The following WDR27 variants were observed in gnomAD, a reference collection of about 807,000 sequenced individuals.
WDR27 encodes WD repeat domain 27.
WDR27 carries 100 observed loss-of-function variants against 114.4 expected under a neutral mutation model. The ratio of observed to expected loss-of-function variants is 0.87; its 90% confidence interval spans 0.74 to 1.03. WDR27 has a LOEUF of 1.03. Among genes scored for constraint, WDR27 ranks in the 50% least tolerant of loss-of-function variants. The probability of loss-of-function intolerance (pLI) is 0.00; values close to 1 mark genes in which losing one functional copy is unlikely to be tolerated. For synonymous variants in WDR27, 449 were observed against 423.1 expected (o/e 1.06, Z -0.75); for missense variants, 1,129 against 1,092.9 (o/e 1.03, Z -0.47).
At chr6:169,567,073 T>C (rs914378562) in intron 25 of WDR27, among the ~76,000 whole-genome samples, 3 of 152,248 alleles carry the variant, frequency 2.0e-5, no homozygotes, top group Non-Finnish European at 4.4e-5. Context: ...CAGAGTCTGA[T>C]AGGCAGCAGC....
intron 21 of WDR27, among the ~76,000 whole-genome samples, chr6:169,628,779 G>A (rs1815544546): frequency 6.6e-6 from 1 of 152,160 alleles, no homozygotes; most frequent in South Asian, 2.1e-4. Context: ...TTTGAACACT[G>A]AAACCATATC....
chr6:169,636,339 T>TA, intron 19 of WDR27, 32 bp downstream of exon 19: 1 of 1,601,068 alleles, frequency 6.2e-7, no homozygotes, highest in Middle Eastern at 1.7e-4. Context: ...TCCTGTGATC[T>TA]AAAAATAATG....
At chr6:169,561,770 T>C (rs528913399) in intron 25 of WDR27, among the ~76,000 whole-genome samples, 80 of 152,106 alleles carry the variant, frequency 5.3e-4, no homozygotes, top group South Asian at 1.9e-3. Context: ...AAGGCAGAAA[T>C]AGTCAAATTG....
chr6:169,594,125 T>C (rs1293675220), intron 23 of WDR27, among the ~76,000 whole-genome samples: 1 of 152,228 alleles, frequency 6.6e-6, no homozygotes, highest in African/African-American at 2.4e-5. Flanking sequence ...GACACTGATA[T>C]ATCATGTTAG....
chr6:169,552,102 G>A (rs1342079831), intron 25 of WDR27, among the ~76,000 whole-genome samples: 3 of 152,012 alleles, frequency 2.0e-5, no homozygotes, highest in Non-Finnish European at 4.4e-5. Context: ...CCTCTCACTT[G>A]CTGCTCCAGT....
rs567124689 is a variant in WDR27, at chr6:169,581,858, G to A, written c.2523+978C>T. Reference sequence around the variant, plus strand: ...GGAGTGCCGTTCCACCTGGTCACACGCGCTAGGCCAGAGCACACAGTCACA... The same window carrying A: ...GGAGTGCCGTTCCACCTGGTCACACACGCTAGGCCAGAGCACACAGTCACA... On this transcript the variant is annotated intron_variant, in intron 24 of 25. Coordinates refer to ENST00000448612, the MANE Select transcript of WDR27 (RefSeq NM_182552.5). 2.0e-5 allele frequency among the ~76,000 whole-genome samples: 3 copies of A among 152,340 alleles called. No individual in the cohort carries two copies. In the South Asian group the frequency reaches 6.2e-4, roughly 32 times the overall value.
In WDR27 at chr6:169,636,399, T is replaced by A; in HGVS notation, c.1975A>T (p.Ile659Phe). 1 of 1,613,918 alleles carries A rather than the reference T, an allele frequency of 6.2e-7. No homozygotes were observed. Among genetic ancestry groups the A allele is most frequent in the Non-Finnish European group, 8.5e-7 (1 of 1,179,870 alleles). ...GPEFQLLRYHIDTCKDEIKRY... is the reference protein window; with the variant it reads ...GPEFQLLRYHFDTCKDEIKRY... ...TTAATCTCATCTTTGCAAGTGTCAA[T>A]GTGATACCTCAGTAGCTGAAATTCA... Residue 659 changes from isoleucine to phenylalanine, a missense_variant, in exon 19 of 26, where the codon ATT becomes TTT. Transcript: ENST00000448612.
At chr6:169,634,865 T>C (rs1387201921) in intron 19 of WDR27, among the ~76,000 whole-genome samples, 1 of 152,136 alleles carries the variant, frequency 6.6e-6, no homozygotes, top group Non-Finnish European at 1.5e-5. Context: ...CCGCTACATA[T>C]AACTGAAGAC....
intron 24 of WDR27, 86 bp downstream of exon 24, chr6:169,582,750 C>A: frequency 9.4e-7 from 1 of 1,064,898 alleles, no homozygotes; most frequent in South Asian, 1.5e-5. Flanking sequence ...TATAAGATTT[C>A]ACCAAAATAA....
chr6:169,699,403 G>C (rs1403494923), intron 1 of WDR27, among the ~76,000 whole-genome samples: 3 of 152,162 alleles, frequency 2.0e-5, no homozygotes, highest in Non-Finnish European at 4.4e-5. Flanking sequence ...AGAAAATAAA[G>C]TCAGGCTTGA....
At chr6:169,655,863 G>A (rs1824032116) in intron 13 of WDR27, among the ~76,000 whole-genome samples, 2 of 152,170 alleles carry the variant, frequency 1.3e-5, no homozygotes, top group Non-Finnish European at 2.9e-5. Flanking sequence ...GGGACTACAG[G>A]CGCCCGCCAA....
chr6:169,701,342 T>C (rs1322567499), intron 1 of WDR27, among the ~76,000 whole-genome samples: 2 of 152,248 alleles, frequency 1.3e-5, no homozygotes, highest in East Asian at 3.9e-4. Context: ...TAGGAAAACC[T>C]AGCCTGGTAG....
At chr6:169,479,378 A>G (rs1481120917) in intron 25 of WDR27, among the ~76,000 whole-genome samples, 1 of 152,202 alleles carries the variant, frequency 6.6e-6, no homozygotes, top group Non-Finnish European at 1.5e-5. Context: ...AAAAAGCCAA[A>G]AAACAGAAAA....
the WDR27 span, among the ~76,000 whole-genome samples, chr6:169,444,276 T>C: frequency 1.3e-5 from 2 of 152,324 alleles, no homozygotes; most frequent in East Asian, 1.9e-4. Context: ...AGGAGCCAAA[T>C]AACTGCCCTA....
At chr6:169,614,687 CA>C (rs755678239) in intron 21 of WDR27, among the ~76,000 whole-genome samples, 1,357 of 103,194 alleles carry the variant, frequency 0.013, 7 homozygotes, top group Non-Finnish European at 0.02. Flanking sequence ...GACTCCATCT[CA>C]AAAAAAAAAA....
chr6:169,611,606 C>G (rs1810550063), intron 22 of WDR27, among the ~76,000 whole-genome samples: 2 of 152,322 alleles, frequency 1.3e-5, no homozygotes, highest in Admixed American at 1.3e-4. Flanking sequence ...ATGCATAGTG[C>G]AGCTGTACAA....
At chr6:169,674,777 T>C (rs1257245366) in intron 2 of WDR27, among the ~76,000 whole-genome samples, 1 of 152,146 alleles carries the variant, frequency 6.6e-6, no homozygotes, top group Non-Finnish European at 1.5e-5. Context: ...CAAACAGGCT[T>C]TGTGTGAGCA....
At chr6:169,674,394 C>T (rs1166645182) in intron 2 of WDR27, among the ~76,000 whole-genome samples, 2 of 151,854 alleles carry the variant, frequency 1.3e-5, no homozygotes, top group Non-Finnish European at 2.9e-5. Context: ...TTTAAAAGTC[C>T]CAAACCTAAC....
At position 169,667,158 on chromosome 6, in the gene WDR27, T is replaced by C. The variant is rs1828059587; in HGVS notation, c.690A>G (p.Ile230Met). ...KVWDHCTGSL[I>M]YSSSVLSAYP... Reference sequence around the variant, plus strand: ...TACCTGATAACACAGATGAACTGTATATTAATGATCCTGTACAATGGTCCC... The same window carrying C: ...TACCTGATAACACAGATGAACTGTACATTAATGATCCTGTACAATGGTCCC... Residue 230 changes from isoleucine (I) to methionine (M), a missense_variant, in exon 6 of 26, where the codon ATA (isoleucine) becomes ATG (methionine). By Grantham distance (10) the Ile-to-Met change is conservative. Transcript: ENST00000448612. The C allele has an allele frequency of 6.5e-7, 1 of 1,534,064 alleles. No individual in the cohort carries two copies.
Sources: gnomAD v4.1 joint callset for allele counts (sites outside exome capture counted in the v4.1 genomes callset) on GRCh38, gnomAD v4.1.1 for gene constraint, MANE v1.5 for transcripts, NCBI Gene and HGNC (gene_info 2026-07-23, HGNC 2026-07-21) for gene names.